Variants in PTPRK observed in about 807,000 individuals in gnomAD.
PTPRK encodes the protein protein tyrosine phosphatase receptor type K, also known as receptor-type tyrosine-protein phosphatase kappa.
Under a neutral mutation model 178.0 loss-of-function variants are expected in PTPRK, and 75 were observed. The observed-to-expected ratio is 0.42, with a 90% CI of 0.35 to 0.51. PTPRK has a LOEUF of 0.51. Ranked by LOEUF, PTPRK falls within the 20% of genes least tolerant of loss-of-function variation. The probability of loss-of-function intolerance (pLI) is 0.02; values close to 1 mark genes in which losing one functional copy is unlikely to be tolerated. For missense variants in PTPRK, 1,441 were observed against 1,797.8 expected, an observed-to-expected ratio of 0.80 and a Z score of 3.59; for synonymous variants, 637 against 620.6, an observed-to-expected ratio of 1.03 and a Z score of -0.39.
intron 2 of PTPRK, 21 bp from the exon 3 acceptor site, chr6:128,322,331 A>T: frequency 6.5e-7 from 1 of 1,536,074 alleles, no homozygotes; most frequent in Non-Finnish European, 9.0e-7. Context: ...ATTACAAATA[A>T]TAATGCTAAA....
intron 2 of PTPRK, among the ~76,000 whole-genome samples, chr6:128,378,505 C>G (rs1837426105): frequency 1.3e-5 from 2 of 151,410 alleles, no homozygotes; most frequent in Admixed American, 1.3e-4. Context: ...TCCATGTTTT[C>G]TAACCATTTT....
intron 1 of PTPRK, among the ~76,000 whole-genome samples, chr6:128,398,445 G>A (rs953119620): frequency 1.3e-5 from 2 of 152,044 alleles, no homozygotes; most frequent in African/African-American, 4.8e-5. Context: ...CCCTGCCTCC[G>A]GACCCTATTC....
At chr6:128,249,531 T>G (rs766551777) in intron 3 of PTPRK, among the ~76,000 whole-genome samples, 2 of 152,066 alleles carry the variant, frequency 1.3e-5, no homozygotes, top group African/African-American at 2.4e-5. Context: ...AAAATGAGTA[T>G]AGTAGAAGAA....
At chr6:127,976,401 C>A (rs1467070285) in intron 27 of PTPRK, among the ~76,000 whole-genome samples, 1 of 152,214 alleles carries the variant, frequency 6.6e-6, no homozygotes, top group Non-Finnish European at 1.5e-5. Flanking sequence ...GGCTGTCCAA[C>A]TTGACTGAGC....
chr6:128,051,464 C>A (rs965577638), intron 13 of PTPRK, among the ~76,000 whole-genome samples: 1 of 152,226 alleles, frequency 6.6e-6, no homozygotes, highest in East Asian at 1.9e-4. Flanking sequence ...CAACCATAGA[C>A]ATCCCAGTTT....
intron 13 of PTPRK, among the ~76,000 whole-genome samples, chr6:128,013,979 A>G (rs924715737): frequency 1.3e-5 from 2 of 151,594 alleles, no homozygotes; most frequent in Non-Finnish European, 3.0e-5. Flanking sequence ...GGTAAAGCCC[A>G]TGAAAGCAAA....
At chr6:128,140,432 A>G (rs530566480) in intron 7 of PTPRK, among the ~76,000 whole-genome samples, 1 of 152,126 alleles carries the variant, frequency 6.6e-6, no homozygotes, top group South Asian at 2.1e-4. Flanking sequence ...AAATGTCAGG[A>G]GCTTGTCTAC....
At chr6:128,017,738 TA>T (rs1246857332) in intron 13 of PTPRK, among the ~76,000 whole-genome samples, 2 of 121,494 alleles carry the variant, frequency 1.6e-5, no homozygotes, top group African/African-American at 3.1e-5. Flanking sequence ...TCTATATATA[TA>T]ATATATAAAT....
chr6:128,045,065 G>C (rs1777828579), intron 13 of PTPRK, among the ~76,000 whole-genome samples: 1 of 151,970 alleles, frequency 6.6e-6, no homozygotes, highest in Admixed American at 6.6e-5. Context: ...AGTCCCAGTT[G>C]AAAGTTCAGC....
chr6:128,130,336 A>G (rs182250155), intron 7 of PTPRK, among the ~76,000 whole-genome samples: 1 of 152,324 alleles, frequency 6.6e-6, no homozygotes, highest in East Asian at 1.9e-4. Flanking sequence ...CTTTCTTCAA[A>G]TCAAGAATAC....
intron 1 of PTPRK, among the ~76,000 whole-genome samples, chr6:128,464,645 A>ATATATATGTATATG (rs1554271884): frequency 4.6e-5 from 4 of 86,990 alleles, no homozygotes; most frequent in African/African-American, 2.2e-4. Flanking sequence ...ACACATATAT[A>ATATATATGTATATG]TATATATATA....
intron 13 of PTPRK, among the ~76,000 whole-genome samples, chr6:128,032,529 G>C (rs1417034965): frequency 6.6e-6 from 1 of 152,084 alleles, no homozygotes; most frequent in Non-Finnish European, 1.5e-5. Context: ...TCAAATATAT[G>C]AGTCATTATT....
At position 128,468,144 on chromosome 6, in the gene PTPRK, CAAAT is replaced by C. The variant is rs754404799; in HGVS notation, c.100+52111_100+52114del. Among the ~76,000 whole-genome samples the C allele has an allele frequency of 5.9e-5, 9 of 152,212 alleles. No homozygotes were observed. In the East Asian group the frequency reaches 1.4e-3, roughly 23 times the overall value. ...AATTAGTGGACACACAAATTATTATCAAATAAATAAATAAAGACTATTCTGATTA... is the reference window on the plus strand; with the variant it reads ...AATTAGTGGACACACAAATTATTATCAAATAAATAAAGACTATTCTGATTA... On this transcript the variant is annotated intron_variant, in intron 1 of 29. Transcript: ENST00000368226.
intron 1 of PTPRK, among the ~76,000 whole-genome samples, chr6:128,472,421 C>A (rs1458156165): frequency 1.3e-4 from 4 of 30,668 alleles, no homozygotes; most frequent in African/African-American, 8.0e-4. Flanking sequence ...ATTTTTGACA[C>A]CCCCCCCCCC....
chr6:128,040,699 C>G (rs967097571), intron 13 of PTPRK, among the ~76,000 whole-genome samples: 1 of 152,112 alleles, frequency 6.6e-6, no homozygotes, highest in East Asian at 1.9e-4. Flanking sequence ...CCTGCCACTA[C>G]TAACGATATA....
chr6:128,401,021 G>C (rs1840941156), intron 1 of PTPRK, among the ~76,000 whole-genome samples: 1 of 152,146 alleles, frequency 6.6e-6, no homozygotes, highest in African/African-American at 2.4e-5. Context: ...ATGAGTAGCT[G>C]CAAATCATGC....
intron 13 of PTPRK, among the ~76,000 whole-genome samples, chr6:128,014,702 A>G (rs955763306): frequency 6.6e-6 from 1 of 151,598 alleles, no homozygotes; most frequent in African/African-American, 2.4e-5. Flanking sequence ...CTATTATATA[A>G]ATATACAATG....
At chr6:128,386,504 A>G (rs1481467984) in intron 2 of PTPRK, among the ~76,000 whole-genome samples, 1 of 152,202 alleles carries the variant, frequency 6.6e-6, no homozygotes, top group Non-Finnish European at 1.5e-5. Context: ...ATTCACCCAC[A>G]TTTATAAGAA....
rs1374285727 is a variant in PTPRK, at chr6:127,990,859, A to G, written c.3006T>C (p.Asp1002=). ...GRVKCYKYWP[D]DTEVYGDFKV... is the part of the protein sequence containing the mutation. ...TGAAGTCACCATAAACTTCAGTATC[A>G]TCAGGCCAATATTTATAGCATTTAA... The change falls in exon 21 of 30, where the codon GAT becomes GAC. Residue 1002 remains aspartate (D), a synonymous_variant. Transcript: ENST00000368226. 1.2e-6 allele frequency: 2 copies of G among 1,609,200 alleles called. No individual in the cohort carries two copies. Among genetic ancestry groups the G allele is most frequent in the East Asian group, 2.2e-5 (1 of 44,786 alleles).
Sources: allele counts gnomAD v4.1 joint callset (sites outside exome capture counted in the v4.1 genomes callset), GRCh38; gene constraint gnomAD v4.1.1; transcripts MANE v1.5; gene names NCBI Gene and HGNC (gene_info 2026-07-23, HGNC 2026-07-21).